Variants in DLGAP1 observed in about 807,000 individuals in gnomAD.
The protein encoded by DLGAP1 is disks large-associated protein 1.
DLGAP1 carries 11 observed loss-of-function variants against 90.8 expected under a neutral mutation model. That is an observed-to-expected ratio of 0.12 (90% confidence interval 0.08 to 0.20). The LOEUF is 0.20. Among genes scored for constraint, DLGAP1 ranks in the 10% least tolerant of loss-of-function variants. The pLI, the probability that DLGAP1 is intolerant of heterozygous loss-of-function variation, is 1.00. For missense variants in DLGAP1, 1,050 were observed against 1,333.8 expected (o/e 0.79, Z 3.31); for synonymous variants, 558 against 540.7 (o/e 1.03, Z -0.44).
intron 4 of DLGAP1, among the ~76,000 whole-genome samples, chr18:3,817,932 T>C (rs2148459833): frequency 6.6e-6 from 1 of 152,306 alleles, no homozygotes; most frequent in East Asian, 1.9e-4. Context: ...GAGCTGGAAG[T>C]CTTGGTAGAA....
chr18:4,008,782 T>A (rs1012104126), intron 2 of DLGAP1, among the ~76,000 whole-genome samples: 11 of 152,258 alleles, frequency 7.2e-5, no homozygotes, highest in Non-Finnish European at 1.3e-4. Context: ...TTTTTACTTT[T>A]CTGACTTTTA....
chr18:4,324,857 A>C (rs1193324946), intron 1 of DLGAP1, among the ~76,000 whole-genome samples: 2 of 152,196 alleles, frequency 1.3e-5, no homozygotes, highest in Admixed American at 6.5e-5. Context: ...GCACTGAAGG[A>C]ATATATTTCA....
At chr18:3,734,275 T>G (rs112584886) in intron 6 of DLGAP1, among the ~76,000 whole-genome samples, 10 of 152,024 alleles carry the variant, frequency 6.6e-5, no homozygotes, top group African/African-American at 2.2e-4. Context: ...CTCTAAGAGA[T>G]AGGGTCTAGC....
chr18:4,000,615 C>T (rs984197553), intron 3 of DLGAP1, among the ~76,000 whole-genome samples: 9 of 152,198 alleles, frequency 5.9e-5, no homozygotes, highest in African/African-American at 1.9e-4. Flanking sequence ...AGGAACATTA[C>T]TCCCTGAGTT....
chr18:4,057,368 G>C lies in DLGAP1; in HGVS notation c.-158-52167C>G, dbSNP rs376393387. Among the ~76,000 whole-genome samples, 17 of 152,300 alleles carry C rather than the reference G, an allele frequency of 1.1e-4. 6 individuals carry two copies. The highest frequency in any genetic ancestry group is 2.1e-4 in the South Asian group (1 of 4,828). ...TTGTAGGAACACTTTATTGGTAAGG[G>C]AAAAACACCTCAAGTGAGCATGTGT... On this transcript the variant is annotated intron_variant, in intron 2 of 12. Coordinates refer to ENST00000315677, the MANE Select transcript of DLGAP1 (RefSeq NM_004746.4).
chr18:3,793,139 C>T (rs2065820244), intron 5 of DLGAP1, among the ~76,000 whole-genome samples: 1 of 152,184 alleles, frequency 6.6e-6, no homozygotes, highest in African/African-American at 2.4e-5. Flanking sequence ...TGCTTGCCCT[C>T]TCTCTCTGAG....
chr18:4,283,003 GTTTTGACA>G (rs147232571), intron 1 of DLGAP1, among the ~76,000 whole-genome samples: 1,706 of 152,238 alleles, frequency 0.011, 33 homozygotes, highest in African/African-American at 0.037. Context: ...GGGAAAACTT[GTTTTGACA>G]TTATGCCGTA....
intron 7 of DLGAP1, among the ~76,000 whole-genome samples, chr18:3,585,418 A>G (rs1221959839): frequency 6.6e-6 from 1 of 151,938 alleles, no homozygotes; most frequent in Non-Finnish European, 1.5e-5. Flanking sequence ...TTAGGATAGA[A>G]CCTCTCCCTG....
chr18:4,141,237 T>C (rs888767778), intron 2 of DLGAP1, among the ~76,000 whole-genome samples: 2 of 151,990 alleles, frequency 1.3e-5, no homozygotes, highest in Non-Finnish European at 2.9e-5. Flanking sequence ...ATTCAGTTTT[T>C]CCCAAGATTT....
chr18:4,181,135 TA>T, intron 1 of DLGAP1, among the ~76,000 whole-genome samples: 1 of 152,350 alleles, frequency 6.6e-6, no homozygotes, highest in East Asian at 1.9e-4. Context: ...TTTTATAAAA[TA>T]GAGTCCTTTG....
At chr18:3,943,655 C>T (rs1352222928) in intron 3 of DLGAP1, among the ~76,000 whole-genome samples, 1 of 152,042 alleles carries the variant, frequency 6.6e-6, no homozygotes, top group Non-Finnish European at 1.5e-5. Flanking sequence ...ATAAAACAGC[C>T]TATAATTCAT....
At chr18:4,258,012 C>T (rs56899836) in intron 1 of DLGAP1, among the ~76,000 whole-genome samples, 8,775 of 54,438 alleles carry the variant, frequency 0.16, 700 homozygotes, top group African/African-American at 0.42. Flanking sequence ...TGTGTGTGTG[C>T]GCGCGCGCGC....
intron 1 of DLGAP1, among the ~76,000 whole-genome samples, chr18:4,201,401 T>G (rs1283997494): frequency 3.3e-5 from 5 of 152,192 alleles, no homozygotes; most frequent in Non-Finnish European, 7.4e-5. Context: ...ATGTATGATT[T>G]TTTCAGCTTT....
chr18:3,801,946 C>T (rs190489910), intron 5 of DLGAP1, among the ~76,000 whole-genome samples: 157 of 150,886 alleles, frequency 1.0e-3, no homozygotes, highest in African/African-American at 3.5e-3. Flanking sequence ...TTTGACTCCA[C>T]GCCACGCAGG....
intron 3 of DLGAP1, among the ~76,000 whole-genome samples, chr18:3,923,759 T>C (rs16945656): frequency 0.15 from 22,173 of 152,204 alleles, 1,700 homozygotes; most frequent in African/African-American, 0.18. Context: ...TACATTCCTC[T>C]GTACTAAAAC....
chr18:4,287,691 A>G (rs1280106111), intron 1 of DLGAP1, among the ~76,000 whole-genome samples: 6 of 151,966 alleles, frequency 3.9e-5, no homozygotes, highest in African/African-American at 7.2e-5. Context: ...CATGGGGTGG[A>G]GGGCAAGGGG....
chr18:4,216,301 C>A (rs556946674), intron 1 of DLGAP1, among the ~76,000 whole-genome samples: 5 of 148,412 alleles, frequency 3.4e-5, no homozygotes, highest in East Asian at 2.0e-4. Flanking sequence ...ACCCCCCCCC[C>A]ACCAGGTCCC....
chr18:3,905,064 A>G (rs2071866800), intron 3 of DLGAP1, among the ~76,000 whole-genome samples: 1 of 151,732 alleles, frequency 6.6e-6, no homozygotes, highest in Non-Finnish European at 1.5e-5. Context: ...ATAAACCAGG[A>G]TAGTTGAAAT....
chr18:3,531,235 A>C (rs922690611), intron 10 of DLGAP1, among the ~76,000 whole-genome samples: 1 of 152,208 alleles, frequency 6.6e-6, no homozygotes, highest in African/African-American at 2.4e-5. Flanking sequence ...TCAGGAGTTC[A>C]AGACCAGACT....
Sources: gnomAD v4.1 joint callset for allele counts (sites outside exome capture counted in the v4.1 genomes callset) on GRCh38, gnomAD v4.1.1 for gene constraint, MANE v1.5 for transcripts, NCBI Gene and HGNC (gene_info 2026-07-23, HGNC 2026-07-21) for gene names.